Variants in RBFOX1 observed in about 807,000 individuals in gnomAD.
The protein encoded by RBFOX1 is RNA binding protein fox-1 homolog 1.
A neutral mutation model predicts 57.7 loss-of-function variants in RBFOX1; 8 were observed. The observed-to-expected ratio is 0.14, with a 90% CI of 0.08 to 0.25. The LOEUF is 0.25. RBFOX1 is among the 10% of genes least tolerant of loss of function. The pLI is 1.00. For missense variants in RBFOX1, 611 were observed against 548.5 expected, an observed-to-expected ratio of 1.11 and a Z score of -1.14; for synonymous variants, 326 against 222.4, an observed-to-expected ratio of 1.47 and a Z score of -4.15.
At position 6,745,387 on chromosome 16, in the gene RBFOX1, C is replaced by G. The variant is rs142184108; in HGVS notation, c.-16+90737C>G. ...ACAGACTAGTCTTCCTCATGAATACCTATGTGAAAATTCTAAAACAACAAG... is the reference window on the plus strand; with the variant it reads ...ACAGACTAGTCTTCCTCATGAATACGTATGTGAAAATTCTAAAACAACAAG... On this transcript the variant is annotated intron_variant, in intron 3 of 15. Coordinates refer to ENST00000550418, the MANE Select transcript of RBFOX1 (RefSeq NM_018723.4). Among the ~76,000 whole-genome samples, 900 of 152,092 alleles carry G rather than the reference C, an allele frequency of 5.9e-3. 8 individuals are homozygous for G. The highest frequency in any genetic ancestry group is 6.6e-3 in the Non-Finnish European group (446 of 67,958).
intron 2 of RBFOX1, among the ~76,000 whole-genome samples, chr16:5,501,318 C>CAAAA (rs1160788118): frequency 0.023 from 1,497 of 64,684 alleles, 108 homozygotes; most frequent in South Asian, 0.047. Flanking sequence ...ACTCTGTCTA[C>CAAAA]AAAAAAAAAA....
intron 4 of RBFOX1, among the ~76,000 whole-genome samples, chr16:5,974,537 G>T (rs990264213): frequency 3.9e-5 from 6 of 152,122 alleles, no homozygotes; most frequent in Admixed American, 1.3e-4. Context: ...TCGAACCCGG[G>T]AGGCGGAGGT....
At chr16:5,765,296 C>G (rs989589827) in intron 3 of RBFOX1, among the ~76,000 whole-genome samples, 3 of 152,152 alleles carry the variant, frequency 2.0e-5, no homozygotes, top group Non-Finnish European at 2.9e-5. Flanking sequence ...TCTAAGACAA[C>G]ACTGTGGTTT....
intron 1 of RBFOX1, among the ~76,000 whole-genome samples, chr16:6,239,686 C>G (rs543296615): frequency 6.6e-6 from 1 of 151,624 alleles, no homozygotes; most frequent in Non-Finnish European, 1.5e-5. Context: ...TTAGTAGAGA[C>G]GGGGGTTTCA....
At chr16:5,462,879 C>A (rs2068836096) in intron 1 of RBFOX1, among the ~76,000 whole-genome samples, 1 of 152,018 alleles carries the variant, frequency 6.6e-6, no homozygotes, top group Admixed American at 6.6e-5. Context: ...GGGACGAGCC[C>A]CACGACAAAG....
chr16:5,813,130 C>G (rs909387314), intron 3 of RBFOX1, among the ~76,000 whole-genome samples: 1 of 151,856 alleles, frequency 6.6e-6, no homozygotes, highest in Non-Finnish European at 1.5e-5. Context: ...GCCTCAGCCT[C>G]CCGAGTAGCT....
intron 1 of RBFOX1, among the ~76,000 whole-genome samples, chr16:6,267,817 C>T (rs545883903): frequency 5.1e-4 from 77 of 152,144 alleles, no homozygotes; most frequent in Non-Finnish European, 7.9e-4. Flanking sequence ...CTGAAACCCA[C>T]AGGTTGGACA....
intron 1 of RBFOX1, among the ~76,000 whole-genome samples, chr16:5,363,453 C>T (rs1340723593): frequency 6.6e-6 from 1 of 152,198 alleles, no homozygotes; most frequent in Non-Finnish European, 1.5e-5. Context: ...TATCCTCCTT[C>T]TCTAGCTTCA....
intron 4 of RBFOX1, among the ~76,000 whole-genome samples, chr16:7,162,634 C>T (rs1365086683): frequency 2.6e-5 from 4 of 151,202 alleles, no homozygotes; most frequent in Non-Finnish European, 5.9e-5. Flanking sequence ...GAGGCTGAGG[C>T]AGGAGAATGG....
chr16:6,304,536 G>A (rs1014439261), intron 1 of RBFOX1, among the ~76,000 whole-genome samples: 2 of 152,050 alleles, frequency 1.3e-5, no homozygotes, highest in Non-Finnish European at 1.5e-5. Context: ...TGCCTGAGGA[G>A]GGGAGACGAA....
intron 3 of RBFOX1, among the ~76,000 whole-genome samples, chr16:6,765,980 G>C (rs1025471367): frequency 2.0e-5 from 3 of 152,064 alleles, no homozygotes; most frequent in Admixed American, 2.0e-4. Context: ...TCAGAAGATG[G>C]GAGGGTAGAA....
intron 4 of RBFOX1, among the ~76,000 whole-genome samples, chr16:7,332,497 G>A (rs2096711181): frequency 6.6e-6 from 1 of 152,090 alleles, no homozygotes; most frequent in East Asian, 1.9e-4. Flanking sequence ...TAACCTGCTG[G>A]ATTTGAATTT....
chr16:6,911,512 C>T (rs1317563320), intron 3 of RBFOX1, among the ~76,000 whole-genome samples: 2 of 152,078 alleles, frequency 1.3e-5, no homozygotes, highest in Admixed American at 6.6e-5. Flanking sequence ...GCATGTCTGT[C>T]TCCCTGTCCA....
intron 4 of RBFOX1, among the ~76,000 whole-genome samples, chr16:7,409,249 T>C (rs2098397057): frequency 6.6e-6 from 1 of 152,202 alleles, no homozygotes; most frequent in Non-Finnish European, 1.5e-5. Context: ...GAGCCTAATG[T>C]CAACCCTGTT....
intron 2 of RBFOX1, among the ~76,000 whole-genome samples, chr16:6,440,715 C>G (rs990941746): frequency 6.6e-6 from 1 of 150,692 alleles, no homozygotes; most frequent in Non-Finnish European, 1.5e-5. Flanking sequence ...GCAGGAGAAT[C>G]GCTTGAACTT....
At position 7,579,827 on chromosome 16, in the gene RBFOX1, T is replaced by A; in HGVS notation, c.321T>A (p.Ser107=). The part of the protein sequence containing the change: ...PTDGQPQTQP[S]ENTENKSQPK... ...ATGGCCAGCCCCAGACACAACCTTC[T>A]GAAAACACGGAAAACAAGTCTCAGC... is the stretch of plus-strand genomic sequence containing the variant. The change falls in exon 6 of 16, where the codon TCT becomes TCA. Residue 107 remains serine, a synonymous_variant. Coordinates refer to ENST00000550418, the MANE Select transcript of RBFOX1 (RefSeq NM_018723.4). 6.2e-7 allele frequency: 1 copy of A among 1,614,092 alleles called. No homozygotes were observed. The highest frequency in any genetic ancestry group is 8.5e-7 in the Non-Finnish European group (1 of 1,179,990).
intron 4 of RBFOX1, among the ~76,000 whole-genome samples, chr16:7,203,407 A>C (rs2089155004): frequency 6.6e-6 from 1 of 152,180 alleles, no homozygotes; most frequent in African/African-American, 2.4e-5. Context: ...GTTATTGTTT[A>C]ATGGGTACAC....
intron 3 of RBFOX1, among the ~76,000 whole-genome samples, chr16:5,828,727 G>C (rs938408171): frequency 1.3e-5 from 2 of 152,112 alleles, no homozygotes; most frequent in South Asian, 4.2e-4. Context: ...ATGGAACCTT[G>C]TCAAAGTTGA....
intron 1 of RBFOX1, among the ~76,000 whole-genome samples, chr16:6,107,237 C>G (rs1283942345): frequency 6.6e-6 from 1 of 152,018 alleles, no homozygotes; most frequent in Non-Finnish European, 1.5e-5. Flanking sequence ...CTGGTGACCC[C>G]CTAGTACCTG....
Sources: allele counts gnomAD v4.1 joint callset (sites outside exome capture counted in the v4.1 genomes callset), GRCh38; gene constraint gnomAD v4.1.1; transcripts MANE v1.5; gene names NCBI Gene and HGNC (gene_info 2026-07-23, HGNC 2026-07-21).